AOAH: variants seen among roughly 807,000 people sequenced by gnomAD.
AOAH encodes acyloxyacyl hydrolase (neutrophil).
A neutral mutation model predicts 92.2 loss-of-function variants in AOAH; 64 were observed. The observed-to-expected ratio is 0.69, with a 90% CI of 0.57 to 0.86. AOAH has a LOEUF of 0.86. AOAH is among the 40% of genes least tolerant of loss of function. AOAH has a pLI of 0.00. For synonymous variants in AOAH, 263 were observed against 254.5 expected (o/e 1.03, Z -0.32); for missense variants, 656 against 694.6 (o/e 0.94, Z 0.62).
chr7:36,680,684 G>A (rs976486540), intron 2 of AOAH, among the ~76,000 whole-genome samples: 2 of 152,160 alleles, frequency 1.3e-5, no homozygotes, highest in Non-Finnish European at 2.9e-5. Context: ...AAGCAATACT[G>A]CCCATGGTGT....
intron 4 of AOAH, among the ~76,000 whole-genome samples, chr7:36,653,173 G>C (rs1794685315): frequency 6.6e-6 from 1 of 152,164 alleles, no homozygotes; most frequent in Non-Finnish European, 1.5e-5. Flanking sequence ...ACAGTGTGCT[G>C]TGAGCTCATA....
chr7:36,634,195 A>G (rs545743085), intron 5 of AOAH, among the ~76,000 whole-genome samples: 1 of 152,296 alleles, frequency 6.6e-6, no homozygotes, highest in Non-Finnish European at 1.5e-5. Flanking sequence ...ACCACTCCTC[A>G]TATTGTCTTA....
intron 11 of AOAH, among the ~76,000 whole-genome samples, chr7:36,596,866 A>G (rs927954112): frequency 2.6e-5 from 4 of 152,182 alleles, no homozygotes; most frequent in Non-Finnish European, 4.4e-5. Flanking sequence ...TGTTGCTTTT[A>G]TTATTCAAAG....
rs572557420 is a variant in AOAH at position 36,590,246 on chromosome 7, CT to C, written c.938+4092del. ...AGCTATTTTTAATCTTTTAAAAATA[CT>C]TTTTTCTTCCTATTTACAGTTATAC... On this transcript the variant is annotated intron_variant, in intron 12 of 20. Coordinates refer to ENST00000617537, the MANE Select transcript of AOAH (RefSeq NM_001637.4). 4.7e-3 allele frequency among the ~76,000 whole-genome samples: 709 copies of C among 151,904 alleles called. 6 individuals are homozygous for C. Among genetic ancestry groups the C allele is most frequent in the African/African-American group, 0.016 (656 of 41,522 alleles).
chr7:36,575,163 A>C (rs1234332777), intron 13 of AOAH, among the ~76,000 whole-genome samples: 1 of 152,224 alleles, frequency 6.6e-6, no homozygotes, highest in Non-Finnish European at 1.5e-5. Context: ...ACATGGCCAG[A>C]TTTGACTGTA....
At chr7:36,558,387 T>C (rs974354881) in intron 13 of AOAH, among the ~76,000 whole-genome samples, 3 of 152,180 alleles carry the variant, frequency 2.0e-5, no homozygotes, top group African/African-American at 4.8e-5. Context: ...AGGTGTCAGT[T>C]TGCCCCTACT....
At chr7:36,618,426 TA>T in intron 9 of AOAH, 81 bp from the exon 10 acceptor site, 1 of 1,326,598 alleles carries the variant, frequency 7.5e-7, no homozygotes, top group East Asian at 2.3e-5. Flanking sequence ...TAAATGGCTT[TA>T]AAAGCACAAA....
chr7:36,611,910 C>G (rs942099012), intron 11 of AOAH, among the ~76,000 whole-genome samples: 2 of 152,220 alleles, frequency 1.3e-5, no homozygotes, highest in African/African-American at 2.4e-5. Flanking sequence ...CAGGATTACG[C>G]TGACAGGCAG....
intron 3 of AOAH, among the ~76,000 whole-genome samples, chr7:36,669,674 A>G (rs11983149): frequency 0.33 from 50,169 of 152,024 alleles, 8,832 homozygotes; most frequent in South Asian, 0.49. Flanking sequence ...TGAGTCACAG[A>G]GTGCAGTGGC....
intron 2 of AOAH, among the ~76,000 whole-genome samples, chr7:36,679,588 T>C (rs1796509291): frequency 6.6e-6 from 1 of 151,008 alleles, no homozygotes; most frequent in Admixed American, 6.6e-5. Context: ...ATTATATGTA[T>C]AATATGTATA....
intron 11 of AOAH, among the ~76,000 whole-genome samples, 172 bp downstream of exon 11, chr7:36,616,208 C>A (rs137960100): frequency 1.3e-5 from 2 of 152,142 alleles, no homozygotes; most frequent in South Asian, 2.1e-4. Context: ...GTAGAAGGAA[C>A]CTTTTGCCAT....
At chr7:36,639,741 C>T (rs573773411) in intron 4 of AOAH, among the ~76,000 whole-genome samples, 1 of 152,166 alleles carries the variant, frequency 6.6e-6, no homozygotes, top group Non-Finnish European at 1.5e-5. Flanking sequence ...TGATGTGCTC[C>T]GTGCACTGAT....
chr7:36,620,340 T>C (rs1792188451), intron 9 of AOAH, among the ~76,000 whole-genome samples: 1 of 151,996 alleles, frequency 6.6e-6, no homozygotes, highest in Non-Finnish European at 1.5e-5. Context: ...ATTAAACGCC[T>C]CAAGGTGTGA....
intron 13 of AOAH, among the ~76,000 whole-genome samples, chr7:36,550,525 C>T (rs1200969149): frequency 6.6e-6 from 1 of 152,180 alleles, no homozygotes; most frequent in African/African-American, 2.4e-5. Context: ...TGCCCAAAGC[C>T]ACACAGGTAC....
chr7:36,652,760 C>G (rs900443875), intron 4 of AOAH, among the ~76,000 whole-genome samples: 1 of 152,126 alleles, frequency 6.6e-6, no homozygotes, highest in Admixed American at 6.6e-5. Flanking sequence ...AACATTTTAC[C>G]GACGTACTTA....
chr7:36,532,652 A>G (rs899906834), intron 16 of AOAH, among the ~76,000 whole-genome samples: 1 of 152,204 alleles, frequency 6.6e-6, no homozygotes, highest in Admixed American at 6.5e-5. Flanking sequence ...CAAGTATCCT[A>G]CAGCTCAATG....
Position 36,673,924 on chromosome 7 carries a change from T to C in AOAH, c.290+19A>G. 6.4e-7 allele frequency: 1 copy of C among 1,572,870 alleles called. No individual in the cohort carries two copies. The highest frequency in any genetic ancestry group is 1.1e-5 in the South Asian group (1 of 88,908). ...TGTCCCAGCAATGGAATCAGAGTTA[T>C]GTGTCATGGCATACTCACAGTTTTA... On this transcript the variant is annotated intron_variant, in intron 3 of 20. Coordinates refer to ENST00000617537, the MANE Select transcript of AOAH (RefSeq NM_001637.4).
At position 36,684,906 on chromosome 7, in the gene AOAH, C is replaced by CA. The variant is rs57827044; in HGVS notation, c.223+1792dup. Among the ~76,000 whole-genome samples, 61 of 60,014 alleles carry CA rather than the reference C, an allele frequency of 1.0e-3. 1 individual carries two copies. Among genetic ancestry groups the CA allele is most frequent in the Admixed American group, 1.5e-3 (5 of 3,230 alleles). 39.4% of individuals were successfully genotyped at this position (60,014 alleles called of 152,430 possible). On this transcript the variant is annotated intron_variant, in intron 2 of 20. Coordinates refer to ENST00000617537, the MANE Select transcript of AOAH (RefSeq NM_001637.4). Reference sequence around the variant, plus strand: ...TGGGCGACAGACTGAGACCTTGTCTCAAAAAAAAAAAAAAAAAAAAAAAAA... The same window carrying CA: ...TGGGCGACAGACTGAGACCTTGTCTCAAAAAAAAAAAAAAAAAAAAAAAAAA...
At chr7:36,705,881 C>G (rs1000899226) in intron 1 of AOAH, among the ~76,000 whole-genome samples, 1 of 152,160 alleles carries the variant, frequency 6.6e-6, no homozygotes, top group Non-Finnish European at 1.5e-5. Flanking sequence ...TGATCTTCAA[C>G]AAGCCTGACA....
Sources: gnomAD v4.1 joint callset for allele counts (sites outside exome capture counted in the v4.1 genomes callset) on GRCh38, gnomAD v4.1.1 for gene constraint, MANE v1.5 for transcripts, NCBI Gene and HGNC (gene_info 2026-07-23, HGNC 2026-07-21) for gene names.